The following HTR4 variants were observed in gnomAD, a reference collection of about 807,000 sequenced individuals.
HTR4 encodes 5-hydroxytryptamine receptor 4.
In HTR4, 16 loss-of-function variants were observed where a neutral mutation model predicts 36.8. That is an observed-to-expected ratio of 0.43 (90% confidence interval 0.29 to 0.66). The LOEUF is 0.66. HTR4 is among the 30% of genes least tolerant of loss of function. The pLI is 0.13. For missense variants in HTR4, 438 were observed against 490.9 expected (o/e 0.89, Z 1.02); for synonymous variants, 189 against 185.1 (o/e 1.02, Z -0.17).
chr5:148,588,634 G>A (rs1416811405), intron 2 of HTR4, among the ~76,000 whole-genome samples: 1 of 146,774 alleles, frequency 6.8e-6, no homozygotes, highest in Non-Finnish European at 1.5e-5. Context: ...TCCGCTTCCC[G>A]GGTTCACGCC....
chr5:148,537,880 C>T (rs1220411058), intron 4 of HTR4, among the ~76,000 whole-genome samples: 1 of 152,046 alleles, frequency 6.6e-6, no homozygotes, highest in Non-Finnish European at 1.5e-5. Context: ...CCCAACCCAT[C>T]GTATGAGACC....
intron 6 of HTR4, among the ~76,000 whole-genome samples, chr5:148,505,024 C>T (rs1428764194): frequency 6.6e-6 from 1 of 152,164 alleles, no homozygotes; most frequent in Non-Finnish European, 1.5e-5. Flanking sequence ...CCAAAAAAAT[C>T]CAGGATCAGA....
At chr5:148,547,694 A>G (rs1317515986) in intron 4 of HTR4, among the ~76,000 whole-genome samples, 1 of 151,946 alleles carries the variant, frequency 6.6e-6, no homozygotes, top group African/African-American at 2.4e-5. Flanking sequence ...GTAGCTCGAG[A>G]CCAGCCTGGG....
intron 2 of HTR4, among the ~76,000 whole-genome samples, chr5:148,612,517 G>A (rs1376743989): frequency 3.5e-4 from 50 of 142,674 alleles, no homozygotes; most frequent in African/African-American, 7.6e-4. Context: ...TCTCTGGGAC[G>A]CATTCAAAGC....
intron 4 of HTR4, among the ~76,000 whole-genome samples, chr5:148,540,960 T>C (rs1581447696): frequency 6.6e-6 from 1 of 152,156 alleles, no homozygotes; most frequent in East Asian, 1.9e-4. Flanking sequence ...AGGAAAACAA[T>C]AATGGAATAG....
chr5:148,571,941 A>G (rs1760695171), intron 2 of HTR4, among the ~76,000 whole-genome samples: 1 of 152,098 alleles, frequency 6.6e-6, no homozygotes, highest in Admixed American at 6.6e-5. Flanking sequence ...ATATTTGCAA[A>G]TCAAGTTTGT....
chr5:148,591,640 G>C (rs1210820527), intron 2 of HTR4, among the ~76,000 whole-genome samples: 2 of 152,076 alleles, frequency 1.3e-5, no homozygotes, highest in Non-Finnish European at 2.9e-5. Flanking sequence ...AGTGGGCAAA[G>C]AATGTGAACA....
chr5:148,654,494 CA>C lies in HTR4; in HGVS notation c.-481del. 2.0e-6 allele frequency: 2 copies of C among 985,594 alleles called. No homozygotes were observed. The highest frequency in any genetic ancestry group is 1.0e-3 in the Middle Eastern group (2 of 1,916). 61.1% of individuals were successfully genotyped at this position (985,594 alleles called of 1,614,324 possible). A position where few individuals can be genotyped will look rare whatever the true frequency, so the allele number is the denominator to read the frequency against. ...ATCTCACCCGTTCCGGGCTGGCCAG[CA>C]CGCGCCCTCCCTGGCCGGAGCGCTG... On this transcript the variant is annotated 5_prime_UTR_variant, in exon 1 of 7. An upstream open reading frame in the 5' UTR loses its in-frame stop. Coordinates refer to ENST00000377888, the MANE Select transcript of HTR4 (RefSeq NM_000870.7).
chr5:148,459,767 A>C (rs879471179), intron 5 of HTR4, among the ~76,000 whole-genome samples: 1 of 152,082 alleles, frequency 6.6e-6, no homozygotes, highest in Non-Finnish European at 1.5e-5. Flanking sequence ...ACAAACAAAC[A>C]AAAAAAACCA....
chr5:148,566,571 T>A (rs1235485582), intron 2 of HTR4, among the ~76,000 whole-genome samples: 4 of 152,130 alleles, frequency 2.6e-5, no homozygotes, highest in African/African-American at 9.7e-5. Flanking sequence ...AGATTGAATT[T>A]ACCATTGAGA....
intron 2 of HTR4, among the ~76,000 whole-genome samples, chr5:148,618,956 T>C (rs1198256447): frequency 6.6e-6 from 1 of 152,152 alleles, no homozygotes; most frequent in Non-Finnish European, 1.5e-5. Context: ...TTTAGTAGGG[T>C]ATATCTGGAA....
At chr5:148,566,940 C>T (rs1420975716) in intron 2 of HTR4, among the ~76,000 whole-genome samples, 1 of 151,524 alleles carries the variant, frequency 6.6e-6, no homozygotes, top group East Asian at 1.9e-4. Context: ...ATGTGTATTA[C>T]ATTGCTAATC....
intron 5 of HTR4, among the ~76,000 whole-genome samples, chr5:148,469,710 T>C (rs1338833921): frequency 6.6e-6 from 1 of 152,256 alleles, no homozygotes; most frequent in Non-Finnish European, 1.5e-5. Flanking sequence ...CCTGTCTGCA[T>C]AACCATGCCA....
At chr5:148,649,628 CA>C (rs754440228) in intron 1 of HTR4, among the ~76,000 whole-genome samples, 4 of 152,146 alleles carry the variant, frequency 2.6e-5, no homozygotes, top group Non-Finnish European at 5.9e-5. Flanking sequence ...AGGAACATGA[CA>C]AGATCTAAGA....
intron 2 of HTR4, among the ~76,000 whole-genome samples, chr5:148,586,760 TG>T (rs1217922357): frequency 6.6e-6 from 1 of 152,100 alleles, no homozygotes; most frequent in Non-Finnish European, 1.5e-5. Context: ...AGGGCGAAGT[TG>T]GGGGTAAAAT....
At chr5:148,614,770 A>G (rs34577571) in intron 2 of HTR4, among the ~76,000 whole-genome samples, 7,853 of 151,364 alleles carry the variant, frequency 0.052, 402 homozygotes, top group African/African-American at 0.14. Flanking sequence ...GAAAATTTTC[A>G]CAACCTACTC....
intron 5 of HTR4, among the ~76,000 whole-genome samples, chr5:148,469,172 G>A (rs1755505576): frequency 6.6e-6 from 1 of 152,084 alleles, no homozygotes. Flanking sequence ...CTGCTCCACA[G>A]TAAAGTCTAT....
chr5:148,557,861 A>G (rs1236843519), intron 2 of HTR4, among the ~76,000 whole-genome samples: 1 of 151,094 alleles, frequency 6.6e-6, no homozygotes, highest in Non-Finnish European at 1.5e-5. Context: ...TAAGAATGAC[A>G]GGAAGCAAGG....
chr5:148,651,740 A>G (rs1754046419), intron 1 of HTR4, among the ~76,000 whole-genome samples: 1 of 147,912 alleles, frequency 6.8e-6, no homozygotes, highest in Non-Finnish European at 1.5e-5. Context: ...AAAATATTCA[A>G]TAATAATATT....
Sources: gnomAD v4.1 joint callset for allele counts (sites outside exome capture counted in the v4.1 genomes callset) on GRCh38, gnomAD v4.1.1 for gene constraint, MANE v1.5 for transcripts, NCBI Gene and HGNC (gene_info 2026-07-23, HGNC 2026-07-21) for gene names.